ADAMTSL4: variants seen among roughly 807,000 people sequenced by gnomAD.
ADAMTSL4 encodes ADAMTS like 4.
ADAMTSL4 carries 97 observed loss-of-function variants against 122.8 expected under a neutral mutation model. That is an observed-to-expected ratio of 0.79 (90% confidence interval 0.67 to 0.93). The LOEUF (loss-of-function observed/expected upper bound fraction) is 0.93. Ranked by LOEUF, ADAMTSL4 falls within the 40% of genes least tolerant of loss-of-function variation. The pLI is 0.00. For missense variants in ADAMTSL4, 1,408 were observed against 1,453.5 expected (o/e 0.97, Z 0.51); for synonymous variants, 592 against 568.0 (o/e 1.04, Z -0.60).
rs745881643 is a variant in ADAMTSL4, at chr1:150,556,405, G to A, written c.1576+39G>A. ...TGCCTCCCCTTCCACTTCCGTCTCT[G>A]TTCGGCCCTCCATACCCCTACTCAG... is the stretch of plus-strand genomic sequence containing the variant. On this transcript the variant is annotated intron_variant, in intron 9 of 18. Transcript: ENST00000271643. The surrounding 1 kb of genome is among the most constrained non-coding windows in gnomAD (Gnocchi z 4.1). 6.2e-7 allele frequency: 1 copy of A among 1,611,918 alleles called. No homozygotes were observed. The highest frequency in any genetic ancestry group is 8.5e-7 in the Non-Finnish European group (1 of 1,179,060).
At chr1:150,555,616 C>CACAT (rs386368292) in intron 8 of ADAMTSL4, 51 bp downstream of exon 8, 8 of 1,606,234 alleles carry the variant, frequency 5.0e-6, no homozygotes, top group Non-Finnish European at 6.8e-6. Flanking sequence ...TGCACACAGA[C>CACAT]ACATGCCCCC....
rs777776997 is a variant in ADAMTSL4, at chr1:150,558,572, C to T, written c.2482C>T (p.Pro828Ser). The T allele has an allele frequency of 6.2e-6, 10 of 1,613,004 alleles. No individual in the cohort carries two copies. In the African/African-American group the frequency reaches 8.0e-5, roughly 13 times the overall value. ...VSEQECASGP[P>S]QPPSREACDM... is the part of the protein sequence containing the mutation. ...CGAGCAGGAGTGTGCGTCAGGCCCC[C>T]CGCAGCCCCCCAGCAGAGAGGCCTG... Residue 828 changes from proline (P) to serine (S), a missense_variant, in exon 15 of 19, where the codon CCG (proline) becomes TCG (serine). By Grantham distance (74) the Pro-to-Ser change is moderately conservative. Coordinates refer to ENST00000271643, the MANE Select transcript of ADAMTSL4 (RefSeq NM_019032.6).
At position 150,556,044 on chromosome 1, in the gene ADAMTSL4, G is replaced by A; in HGVS notation, c.1372-118G>A. On this transcript the variant is annotated intron_variant, in intron 8 of 18. Coordinates refer to ENST00000271643, the MANE Select transcript of ADAMTSL4 (RefSeq NM_019032.6). The surrounding 1 kb of genome is among the most constrained non-coding windows in gnomAD (Gnocchi z 4.1). ...GGCTGGGGATGGTGGGGCTGTTTTT[G>A]TGCTCTCACTTGTGGCACAAAAAGC... 1 of 1,081,936 alleles carries A rather than the reference G, an allele frequency of 9.2e-7. No individual in the cohort carries two copies. Among genetic ancestry groups the A allele is most frequent in the South Asian group, 1.3e-5 (1 of 76,900 alleles). 67.0% of individuals were successfully genotyped at this position (1,081,936 alleles called of 1,614,324 possible).
Position 150,552,581 on chromosome 1 carries a change from A to G in ADAMTSL4, c.59A>G (p.Gln20Arg). 8.1e-6 allele frequency: 13 copies of G among 1,613,414 alleles called. No homozygotes were observed. Among genetic ancestry groups the G allele is most frequent in the Non-Finnish European group, 1.0e-5 (12 of 1,179,828 alleles). Residue 20 changes from glutamine (Q) to arginine (R), a missense_variant, in exon 4 of 19, where the codon CAG (glutamine) becomes CGG (arginine). Transcript: ENST00000271643. This position sits in a 1 kb window ranked among gnomAD's most constrained non-coding sequence, Gnocchi z 4.0. ...LYLLLLLSLP[Q>R]LCLDQEVLSG... ...CTGCTGCTGCTTCTGTCCCTCCCTC[A>G]GCTCTGCTTGGATCAGGAGGTGAGT...
Position 150,560,675 on chromosome 1 carries a change from T to G in ADAMTSL4, c.*479T>G. On this transcript the variant is annotated 3_prime_UTR_variant, in exon 19 of 19. Coordinates refer to ENST00000271643, the MANE Select transcript of ADAMTSL4 (RefSeq NM_019032.6). The stretch of plus-strand genomic sequence containing the variant: ...CCTGTGTCTCTGACCCCTTCTCATT[T>G]GCCTAGTATCTCTGCCCCTGCCTCC... 1 of 182,056 alleles carries G rather than the reference T, an allele frequency of 5.5e-6. No homozygotes were observed. The highest frequency in any genetic ancestry group is 5.4e-5 in the Admixed American group (1 of 18,416). The allele number at this position is 182,056 out of a possible 1,614,324, so 11.3% of individuals were successfully genotyped here. A position where few individuals can be genotyped will look rare whatever the true frequency, so the allele number is the denominator to read the frequency against.
Position 150,560,283 on chromosome 1 carries a change from C to A in ADAMTSL4, c.*87C>A. On this transcript the variant is annotated 3_prime_UTR_variant, in exon 19 of 19. Transcript: ENST00000271643. ...ACTCTGAACCCCCTGGCTCTCCAGC[C>A]TGTCCCAGTCTCAGCAGGGATGTCC... The A allele has an allele frequency of 6.4e-7, 1 of 1,566,940 alleles. No homozygotes were observed. Among genetic ancestry groups the A allele is most frequent in the Non-Finnish European group, 8.7e-7 (1 of 1,153,874 alleles).
chr1:150,557,841 T>G, intron 13 of ADAMTSL4, 104 bp from the exon 14 acceptor site: 3 of 1,467,742 alleles, frequency 2.0e-6, no homozygotes, highest in Non-Finnish European at 1.8e-6. Flanking sequence ...CCCACTCTCC[T>G]CTGAGGCCCC....
rs1386207056 is a variant in ADAMTSL4 at position 150,560,100 on chromosome 1, G to A, written c.3129G>A (p.Val1043=). The A allele has an allele frequency of 6.2e-7, 1 of 1,614,098 alleles. No individual in the cohort carries two copies. Among genetic ancestry groups the A allele is most frequent in the Non-Finnish European group, 8.5e-7 (1 of 1,180,010 alleles). ...CKDSSPHCPL[V]VQARLCVYPY... is the part of the protein sequence containing the mutation. ...ACAGCTCTCCACATTGCCCCCTGGT[G>A]GTACAGGCCCGGCTCTGCGTCTACC... Residue 1043 remains valine (V), a synonymous_variant, in exon 19 of 19, where the codon GTG becomes GTA. Transcript: ENST00000271643.
At chr1:150,550,869 C>G (rs1452917070) in intron 2 of ADAMTSL4, 2 of 456,426 alleles carry the variant, frequency 4.4e-6, no homozygotes, top group Non-Finnish European at 8.8e-6. Context: ...GGCTGAGTGT[C>G]TGCCCCCAGG....
At position 150,554,414 on chromosome 1, in the gene ADAMTSL4, T is replaced by G. The variant is rs1671793537; in HGVS notation, c.1181T>G (p.Phe394Cys). 6.2e-7 allele frequency: 1 copy of G among 1,613,918 alleles called. No individual in the cohort carries two copies. Among genetic ancestry groups the G allele is most frequent in the African/African-American group, 1.3e-5 (1 of 74,886 alleles). Reference sequence around the variant, plus strand: ...CCCCGGGCCCTGCAGTGCGCAGCCTTTAACTCCCAGGAATTCATGGGCCAG... The same window carrying G: ...CCCCGGGCCCTGCAGTGCGCAGCCTGTAACTCCCAGGAATTCATGGGCCAG... ...PDPRALQCAA[F>C]NSQEFMGQLY... Residue 394 changes from phenylalanine (F) to cysteine (C), a missense_variant, in exon 7 of 19, where the codon TTT becomes TGT. By Grantham distance (205) the Phe-to-Cys change is radical (BLOSUM62 -2). Coordinates refer to ENST00000271643, the MANE Select transcript of ADAMTSL4 (RefSeq NM_019032.6). The surrounding 1 kb of genome is among the most constrained non-coding windows in gnomAD (Gnocchi z 4.0).
Position 150,556,642 on chromosome 1 carries a change from G to T in ADAMTSL4, c.1598G>T (p.Arg533Leu). ...NYLALRGPGG[R>L]SIINGNWAVD... is the part of the protein sequence containing the mutation. ...GCAGCACTTCGTGGCCCTGGGGGCC[G>T]GTCCATCATCAATGGGAACTGGGCT... Residue 533 changes from arginine to leucine, a missense_variant, in exon 10 of 19, where the codon CGG becomes CTG. By Grantham distance (102) the Arg-to-Leu change is moderately radical (BLOSUM62 -2). Coordinates refer to ENST00000271643, the MANE Select transcript of ADAMTSL4 (RefSeq NM_019032.6). This position sits in a 1 kb window ranked among gnomAD's most constrained non-coding sequence, Gnocchi z 4.1. 6.2e-7 allele frequency: 1 copy of T among 1,614,000 alleles called. No individual in the cohort carries two copies. The highest frequency in any genetic ancestry group is 8.5e-7 in the Non-Finnish European group (1 of 1,179,984).
In ADAMTSL4 at chr1:150,553,077, C is replaced by G. The variant is rs1347391816; in HGVS notation, c.258C>G (p.Pro86=). 1 of 1,613,574 alleles carries G rather than the reference C, an allele frequency of 6.2e-7. No homozygotes were observed. The highest frequency in any genetic ancestry group is 1.1e-5 in the South Asian group (1 of 91,074). ...VQLHPSLPLP[P]RPPRHPEALL... ...TCCACCCGAGTCTGCCCCTCCCTCCCCGGCCCCCAAGACATCCAGAAGCCC... is the reference window on the plus strand; with the variant it reads ...TCCACCCGAGTCTGCCCCTCCCTCCGCGGCCCCCAAGACATCCAGAAGCCC... Residue 86 remains proline, a synonymous_variant, in exon 5 of 19, where the codon CCC becomes CCG. Transcript: ENST00000271643.
chr1:150,550,797 T>A (rs1362182997), intron 2 of ADAMTSL4: 1 of 456,570 alleles, frequency 2.2e-6, no homozygotes. Flanking sequence ...GCGCCCGCTC[T>A]GGCTCAGCCA....
At position 150,555,642 on chromosome 1, in the gene ADAMTSL4, T is replaced by TACACAC. The variant is rs149100901; in HGVS notation, c.1371+79_1371+84dup. 4,707 of 1,574,884 alleles carry TACACAC rather than the reference T, an allele frequency of 3.0e-3. 125 individuals are homozygous for TACACAC. In the African/African-American group the frequency reaches 0.056, roughly 19 times the overall value. ...ACATGCCCCCATATGCATACACATG[T>TACACAC]ACACACATATGTATGAACACATGCA... is the stretch of plus-strand genomic sequence containing the variant. On this transcript the variant is annotated intron_variant, in intron 8 of 18. Transcript: ENST00000271643.
At position 150,552,670 on chromosome 1, in the gene ADAMTSL4, C is replaced by T. The variant is rs1024312192; in HGVS notation, c.78+70C>T. On this transcript the variant is annotated intron_variant, in intron 4 of 18. Coordinates refer to ENST00000271643, the MANE Select transcript of ADAMTSL4 (RefSeq NM_019032.6). The surrounding 1 kb of genome is among the most constrained non-coding windows in gnomAD (Gnocchi z 4.0). ...TTCATCTCCCCCTAGGCTCCCACCCCATCTCTCCAGGCCACGCCTCCATTC... is the reference window on the plus strand; with the variant it reads ...TTCATCTCCCCCTAGGCTCCCACCCTATCTCTCCAGGCCACGCCTCCATTC... 59 of 1,549,666 alleles carry T rather than the reference C, an allele frequency of 3.8e-5. No individual in the cohort carries two copies. The highest frequency in any genetic ancestry group is 2.2e-4 in the Middle Eastern group (1 of 4,648).
rs1553959 is a variant in ADAMTSL4, at chr1:150,560,316, G to A, written c.*120G>A. 9,436 of 1,466,166 alleles carry A rather than the reference G, an allele frequency of 6.4e-3. 423 individuals are homozygous for A. The African/African-American group carries it at 0.1, about 16-fold the overall frequency. The allele number at this position is 1,466,166 out of a possible 1,614,324, so 90.8% of individuals were successfully genotyped here. A position where few individuals can be genotyped will look rare whatever the true frequency, so the allele number is the denominator to read the frequency against. On this transcript the variant is annotated 3_prime_UTR_variant, in exon 19 of 19. Transcript: ENST00000271643. The stretch of plus-strand genomic sequence containing the variant: ...GTCTCAGCAGGGATGTCCTCCAGGT[G>A]ACAGAGGGTGGCAAGGTGACTGACA...
In ADAMTSL4 at chr1:150,558,968, GC is replaced by G. The variant is rs781144356; in HGVS notation, c.2568del (p.Glu857SerfsTer91). 13 of 1,607,818 alleles carry G rather than the reference GC, an allele frequency of 8.1e-6. No homozygotes were observed. The highest frequency in any genetic ancestry group is 1.7e-5 in the Admixed American group (1 of 59,098). ...CCGCTCTCCTCCTCCGCAGTGCTCA[GC>G]CGAGTGTGGGACGGGAATCCAGCGG... ...FHSDWSSKCSAECGTGIQRRS... is the reference protein window; with the variant it reads ...FHSDWSSKCSXECGTGIQRRS... On this transcript the variant is annotated frameshift_variant, in exon 16 of 19. Transcript: ENST00000271643. LOFTEE classifies it high-confidence loss of function.
Position 150,556,698 on chromosome 1 carries a change from G to T in ADAMTSL4, c.1654G>T (p.Gly552Trp), listed in dbSNP as rs746126694. The change falls in exon 10 of 19, where the codon GGG becomes TGG. Residue 552 changes from glycine to tryptophan, a missense_variant. Physicochemically the swap from Gly to Trp is radical, Grantham distance 184. Transcript: ENST00000271643. This position sits in a 1 kb window ranked among gnomAD's most constrained non-coding sequence, Gnocchi z 4.1. Reference sequence around the variant, plus strand: ...TCCCCCTGGGTCCTACAGGGCCGGCGGGACCGTCTTTCGATATAACCGTCC... The same window carrying T: ...TCCCCCTGGGTCCTACAGGGCCGGCTGGACCGTCTTTCGATATAACCGTCC... The part of the protein sequence containing the change: ...VDPPGSYRAG[G>W]TVFRYNRPPR... 3 of 1,614,002 alleles carry T rather than the reference G, an allele frequency of 1.9e-6. No homozygotes were observed. The highest frequency in any genetic ancestry group is 2.5e-6 in the Non-Finnish European group (3 of 1,180,000).
rs147256635 is a variant in ADAMTSL4, at chr1:150,558,637, C to A, written c.2547C>A (p.Asp849Glu). 1 of 1,613,838 alleles carries A rather than the reference C, an allele frequency of 6.2e-7. No homozygotes were observed. Among genetic ancestry groups the A allele is most frequent in the Non-Finnish European group, 8.5e-7 (1 of 1,180,002 alleles). ...GTACTACTGCCTGGTTCCACAGCGA[C>A]TGGAGCTCCAAGGTGAGCCCGGAAC... ...GPCTTAWFHS[D>E]WSSKCSAECG... The change falls in exon 15 of 19, where the codon GAC becomes GAA. Residue 849 changes from aspartate (D) to glutamate (E), a missense_variant. Physicochemically the swap from Asp to Glu is conservative, Grantham distance 45. Transcript: ENST00000271643.
Sources: allele counts gnomAD v4.1 joint callset, GRCh38; gene constraint gnomAD v4.1.1; non-coding constraint Gnocchi (gnomAD v3.1); transcripts MANE v1.5; gene names NCBI Gene and HGNC (gene_info 2026-07-23, HGNC 2026-07-21).